NRDE2: variants seen among roughly 807,000 people sequenced by gnomAD.
NRDE2 encodes nuclear exosome regulator NRDE2.
Under a neutral mutation model 124.2 loss-of-function variants are expected in NRDE2, and 76 were observed. The ratio of observed to expected loss-of-function variants is 0.61; its 90% confidence interval spans 0.51 to 0.74. The LOEUF is 0.74. Ranked by LOEUF, NRDE2 falls within the 30% of genes least tolerant of loss-of-function variation. The pLI is 0.00. For missense variants in NRDE2, 1,314 were observed against 1,417.3 expected (o/e 0.93, Z 1.17); for synonymous variants, 489 against 528.1 (o/e 0.93, Z 1.01).
rs1491397403 is a variant in NRDE2, at chr14:90,274,838, A to ACACACACACACCCC, written c.*3497_*3498insGGGGTGTGTGTGTG. The ACACACACACACCCC allele has an allele frequency of 6.0e-5, 4 of 67,220 alleles. No individual in the cohort carries two copies. Among genetic ancestry groups the ACACACACACACCCC allele is most frequent in the African/African-American group, 6.1e-5 (1 of 16,362 alleles). The allele number at this position is 67,220 out of a possible 1,614,324, so 4.2% of individuals were successfully genotyped here. On this transcript the variant is annotated 3_prime_UTR_variant, in exon 14 of 14. Transcript: ENST00000354366. ...CACACACACACACACACACACACAC[A>ACACACACACACCCC]CCCCAATACATATGAATTGATCTGA...
intron 6 of NRDE2, 141 bp downstream of exon 6, chr14:90,302,579 G>T: frequency 1.1e-6 from 1 of 950,568 alleles, no homozygotes; most frequent in Non-Finnish European, 1.5e-6. Flanking sequence ...AAAAAGAGTC[G>T]TAATACTTTT....
intron 8 of NRDE2, among the ~76,000 whole-genome samples, chr14:90,294,340 G>A (rs1480652605): frequency 2.0e-5 from 3 of 151,758 alleles, no homozygotes; most frequent in East Asian, 1.9e-4. Flanking sequence ...CATATGAGGC[G>A]ATTCCACTGC....
chr14:90,282,099 GTTCC>G (rs1254084624), intron 12 of NRDE2, among the ~76,000 whole-genome samples: 1 of 152,196 alleles, frequency 6.6e-6, no homozygotes, highest in Non-Finnish European at 1.5e-5. Context: ...TATACTCATA[GTTCC>G]TTCTTTATTG....
chr14:90,269,847 G>A lies in NRDE2; in HGVS notation c.*8489C>T. ...GGAAGAAATAATTCATGTGATGGTA[G>A]GATTTGTCCTTTTTACATTCAGGTA... is the stretch of plus-strand genomic sequence containing the variant. On this transcript the variant is annotated 3_prime_UTR_variant, in exon 14 of 14. Coordinates refer to ENST00000354366, the MANE Select transcript of NRDE2 (RefSeq NM_017970.4). The A allele has an allele frequency of 2.5e-6, 1 of 392,500 alleles. No individual in the cohort carries two copies. Among genetic ancestry groups the A allele is most frequent in the Non-Finnish European group, 4.5e-6 (1 of 220,774 alleles). The allele number at this position is 392,500 out of a possible 1,614,324, so 24.3% of individuals were successfully genotyped here. A position where few individuals can be genotyped will look rare whatever the true frequency, so the allele number is the denominator to read the frequency against.
chr14:90,292,726 C>T lies in NRDE2; in HGVS notation c.1813G>A (p.Glu605Lys), dbSNP rs770807341. ...CTCTCGGGATCCTCACAGTCTTCCTCGGTTTGCTTCTTGGTCTTATCAGGG... is the reference window on the plus strand; with the variant it reads ...CTCTCGGGATCCTCACAGTCTTCCTTGGTTTGCTTCTTGGTCTTATCAGGG... ...WRPDKTKKQT[E>K]EDCEDPERQV... Residue 605 changes from glutamate to lysine, a missense_variant, in exon 9 of 14, where the codon GAG becomes AAG. Transcript: ENST00000354366. 4.3e-5 allele frequency: 70 copies of T among 1,614,026 alleles called. No homozygotes were observed. Among genetic ancestry groups the T allele is most frequent in the Non-Finnish European group, 5.8e-5 (69 of 1,179,996 alleles).
chr14:90,279,238 C>A (rs1891888458), intron 12 of NRDE2, 105 bp from the exon 13 acceptor site: 1 of 858,088 alleles, frequency 1.2e-6, no homozygotes, highest in Non-Finnish European at 1.9e-6. Flanking sequence ...CTGCAGTGAG[C>A]CCACCTGTGC....
At chr14:90,304,573 C>T (rs61986786) in intron 4 of NRDE2, 191 bp from the exon 5 acceptor site, 13 of 560,982 alleles carry the variant, frequency 2.3e-5, no homozygotes, top group Non-Finnish European at 3.8e-5. Flanking sequence ...CCTGGCTTGA[C>T]TTCTTCCTAT....
rs1205998841 is a variant in NRDE2, at chr14:90,276,075, TGAC to T, written c.*2258_*2260del. On this transcript the variant is annotated 3_prime_UTR_variant, in exon 14 of 14. Transcript: ENST00000354366. ...GTGATCAGTGACTCCTTCGGGGAAA[TGAC>T]GAGCGTTCCTGATGAAACACATGAG... 1.3e-5 allele frequency: 2 copies of T among 152,126 alleles called. No homozygotes were observed. The highest frequency in any genetic ancestry group is 2.4e-5 in the African/African-American group (1 of 41,400). 9.4% of individuals were successfully genotyped at this position (152,126 alleles called of 1,614,324 possible).
Position 90,269,208 on chromosome 14 carries a change from G to C in NRDE2, c.*9128C>G. On this transcript the variant is annotated 3_prime_UTR_variant, in exon 14 of 14. Transcript: ENST00000354366. ...GATTAAGTTTCAACACATAAATTTGGGGAAATACATTCAGACCATGGCAAG... is the reference window on the plus strand; with the variant it reads ...GATTAAGTTTCAACACATAAATTTGCGGAAATACATTCAGACCATGGCAAG... 1.7e-6 allele frequency: 1 copy of C among 581,232 alleles called. No individual in the cohort carries two copies. Among genetic ancestry groups the C allele is most frequent in the Non-Finnish European group, 3.0e-6 (1 of 332,814 alleles). 36.0% of individuals were successfully genotyped at this position (581,232 alleles called of 1,614,324 possible).
At chr14:90,285,493 G>C (rs565332826) in intron 12 of NRDE2, among the ~76,000 whole-genome samples, 2 of 151,998 alleles carry the variant, frequency 1.3e-5, no homozygotes, top group Admixed American at 6.5e-5. Context: ...GTAGAGACGG[G>C]GTTTCGCCAT....
chr14:90,305,384 C>T (rs764174739), intron 4 of NRDE2, among the ~76,000 whole-genome samples: 1 of 152,326 alleles, frequency 6.6e-6, no homozygotes, highest in South Asian at 2.1e-4. Flanking sequence ...AAAAATTCAA[C>T]ACAGACCTAA....
At chr14:90,299,271 C>T (rs973974711) in intron 7 of NRDE2, among the ~76,000 whole-genome samples, 2 of 152,106 alleles carry the variant, frequency 1.3e-5, no homozygotes, top group African/African-American at 4.8e-5. Context: ...TGGTCTCCAA[C>T]TCCTGACCTC....
intron 4 of NRDE2, among the ~76,000 whole-genome samples, chr14:90,309,310 GA>G (rs142179497): frequency 0.037 from 5,246 of 142,202 alleles, 134 homozygotes; most frequent in East Asian, 0.073. Context: ...TGGCATACGG[GA>G]AAAAAAAAAA....
chr14:90,268,132 G>T lies in NRDE2; in HGVS notation c.*10204C>A. The T allele has an allele frequency of 1.9e-6, 2 of 1,053,798 alleles. No individual in the cohort carries two copies. The highest frequency in any genetic ancestry group is 1.7e-5 in the South Asian group (1 of 58,036). The allele number at this position is 1,053,798 out of a possible 1,614,324, so 65.3% of individuals were successfully genotyped here. A position where few individuals can be genotyped will look rare whatever the true frequency, so the allele number is the denominator to read the frequency against. On this transcript the variant is annotated 3_prime_UTR_variant, in exon 14 of 14. Transcript: ENST00000354366. ...TTAGCATGAGGGCCCGCCTGTTTTT[G>T]GTGTCCATTTAAGGTGGTAATGATA...
At chr14:90,324,613 T>C (rs1038096419) in intron 1 of NRDE2, among the ~76,000 whole-genome samples, 7 of 150,310 alleles carry the variant, frequency 4.7e-5, no homozygotes, top group African/African-American at 1.5e-4. Context: ...GAGGCAGAGG[T>C]TGCAGTGAGT....
rs1041056658 is a variant in NRDE2, at chr14:90,268,086, C to T, written c.*10250G>A. 1.6e-6 allele frequency: 1 copy of T among 631,246 alleles called. No homozygotes were observed. Among genetic ancestry groups the T allele is most frequent in the African/African-American group, 1.8e-5 (1 of 54,150 alleles). 39.1% of individuals were successfully genotyped at this position (631,246 alleles called of 1,614,324 possible). ...TACTTAGGAGAATGGAATGTCGTGA[C>T]ACTTGAATTGGTGCCATGCCTTAGC... On this transcript the variant is annotated 3_prime_UTR_variant, in exon 14 of 14. Transcript: ENST00000354366.
At chr14:90,316,854 G>C (rs538011959) in intron 2 of NRDE2, 43 bp from the exon 3 acceptor site, 1 of 1,302,076 alleles carries the variant, frequency 7.7e-7, no homozygotes. Context: ...CTAAAAAGAT[G>C]TAGGAAAAAT....
At chr14:90,329,150 A>G (rs1042857953) in intron 1 of NRDE2, among the ~76,000 whole-genome samples, 1 of 152,226 alleles carries the variant, frequency 6.6e-6, no homozygotes, top group Non-Finnish European at 1.5e-5. Flanking sequence ...ATTTAAGAGT[A>G]AGACTCCTCT....
Position 90,286,426 on chromosome 14 carries a change from C to G in NRDE2, c.3225G>C (p.Leu1075=). The change falls in exon 12 of 14, where the codon CTG becomes CTC. Residue 1075 remains leucine, a synonymous_variant. Coordinates refer to ENST00000354366, the MANE Select transcript of NRDE2 (RefSeq NM_017970.4). Reference sequence around the variant, plus strand: ...TGTCGCTGCGCATGGCATTTTCAAACAGGGCTTGGATCCGATGCATTAAGC... The same window carrying G: ...TGTCGCTGCGCATGGCATTTTCAAAGAGGGCTTGGATCCGATGCATTAAGC... ...ETGLMHRIQA[L]FENAMRSDSG... is the part of the protein sequence containing the mutation. The G allele has an allele frequency of 6.2e-7, 1 of 1,614,220 alleles. No individual in the cohort carries two copies. Among genetic ancestry groups the G allele is most frequent in the South Asian group, 1.1e-5 (1 of 91,088 alleles).
Sources: gnomAD v4.1 joint callset for allele counts (sites outside exome capture counted in the v4.1 genomes callset) on GRCh38, gnomAD v4.1.1 for gene constraint, MANE v1.5 for transcripts, NCBI Gene and HGNC (gene_info 2026-07-23, HGNC 2026-07-21) for gene names.